Variants in IFT122 observed in about 807,000 individuals in gnomAD.
IFT122 encodes the protein intraflagellar transport 122, also known as intraflagellar transport protein 122 homolog.
IFT122 carries 118 observed loss-of-function variants against 161.6 expected under a neutral mutation model. The ratio of observed to expected loss-of-function variants is 0.73; its 90% confidence interval spans 0.63 to 0.85. The LOEUF (loss-of-function observed/expected upper bound fraction) is 0.85, where lower values mean the gene tolerates loss of function less well. IFT122 is among the 40% of genes least tolerant of loss of function. IFT122 has a pLI of 0.00. For missense variants in IFT122, 1,381 were observed against 1,579.6 expected (o/e 0.87, Z 2.13); for synonymous variants, 550 against 602.4 (o/e 0.91, Z 1.27).
intron 28 of IFT122, 42 bp from the exon 29 acceptor site, chr3:129,519,526 G>A: frequency 2.5e-6 from 4 of 1,609,660 alleles, no homozygotes; most frequent in Non-Finnish European, 2.5e-6. Context: ...TCTCACTGTG[G>A]CTGAGTGAGG....
At chr3:129,462,549 G>T (rs567123795) in intron 5 of IFT122, among the ~76,000 whole-genome samples, 1 of 152,336 alleles carries the variant, frequency 6.6e-6, no homozygotes, top group East Asian at 1.9e-4. Flanking sequence ...TGCTGAAGGA[G>T]GCCCAGGAGG....
intron 27 of IFT122, among the ~76,000 whole-genome samples, chr3:129,518,177 C>T (rs2084248287): frequency 1.3e-5 from 2 of 152,238 alleles, no homozygotes; most frequent in African/African-American, 4.8e-5. Context: ...AGGAGCAGTG[C>T]CAGCCCCACA....
chr3:129,511,003 G>A (rs1378530183), intron 23 of IFT122, among the ~76,000 whole-genome samples: 2 of 152,180 alleles, frequency 1.3e-5, no homozygotes, highest in African/African-American at 4.8e-5. Flanking sequence ...CAAGTGAAGT[G>A]GAGGAGGATT....
intron 1 of IFT122, among the ~76,000 whole-genome samples, chr3:129,448,427 T>G (rs1390863557): frequency 6.6e-6 from 1 of 152,182 alleles, no homozygotes; most frequent in African/African-American, 2.4e-5. Flanking sequence ...TTTGCATAAC[T>G]TTCGAAAAAC....
chr3:129,506,335 C>CAG, intron 21 of IFT122, 74 bp from the exon 22 acceptor site: 1 of 1,574,818 alleles, frequency 6.3e-7, no homozygotes, highest in Non-Finnish European at 8.7e-7. Flanking sequence ...GCAAGCCCCA[C>CAG]AGAGCTCCAT....
At chr3:129,496,302 G>T (rs1272457468) in intron 18 of IFT122, among the ~76,000 whole-genome samples, 1 of 152,098 alleles carries the variant, frequency 6.6e-6, no homozygotes, top group Admixed American at 6.5e-5. Flanking sequence ...CTGTGGGAAG[G>T]AGTTGCACTA....
chr3:129,497,742 C>T (rs1225006447), intron 18 of IFT122, among the ~76,000 whole-genome samples: 20 of 152,202 alleles, frequency 1.3e-4, no homozygotes, highest in Admixed American at 1.1e-3. Context: ...ATCCCCCCTG[C>T]CCCCACCTGG....
At chr3:129,492,973 C>T (rs2080334833) in intron 17 of IFT122, among the ~76,000 whole-genome samples, 1 of 151,806 alleles carries the variant, frequency 6.6e-6, no homozygotes, top group African/African-American at 2.4e-5. Flanking sequence ...ATGTGCCACC[C>T]CGCCTGATTA....
intron 9 of IFT122, among the ~76,000 whole-genome samples, chr3:129,473,354 C>G (rs919139539): frequency 6.6e-6 from 1 of 152,230 alleles, no homozygotes; most frequent in Non-Finnish European, 1.5e-5. Flanking sequence ...ATGGTTCAGT[C>G]TCCATTGATT....
intron 27 of IFT122, among the ~76,000 whole-genome samples, 192 bp from the exon 28 acceptor site, chr3:129,518,915 A>G (rs533719732): frequency 9.2e-5 from 14 of 152,288 alleles, no homozygotes; most frequent in Admixed American, 8.5e-4. Context: ...TGCGAGGGGA[A>G]TGGGTGAGGG....
Position 129,519,648 on chromosome 3 carries a change from G to A in IFT122, c.3552G>A (p.Lys1184=). 1 of 1,613,720 alleles carries A rather than the reference G, an allele frequency of 6.2e-7. No individual in the cohort carries two copies. The highest frequency in any genetic ancestry group is 8.5e-7 in the Non-Finnish European group (1 of 1,180,020). The change falls in exon 29 of 30, where the codon AAG becomes AAA. Residue 1184 remains lysine (K), a synonymous_variant. Coordinates refer to ENST00000348417, the MANE Select transcript of IFT122 (RefSeq NM_052989.3). ...RSMSRRDVLI[K]RWPPPLRWQY... Reference sequence around the variant, plus strand: ...TGAGCCGCCGGGATGTCCTCATCAAGCGATGGCCCCCACCCCTGAGGTGGC... The same window carrying A: ...TGAGCCGCCGGGATGTCCTCATCAAACGATGGCCCCCACCCCTGAGGTGGC...
intron 24 of IFT122, 108 bp downstream of exon 24, chr3:129,512,520 C>T (rs1021879856): frequency 3.5e-6 from 3 of 850,086 alleles, no homozygotes; most frequent in African/African-American, 3.3e-5. Flanking sequence ...TCTCAGCAAC[C>T]CTCAGGGAAG....
At position 129,492,172 on chromosome 3, in the gene IFT122, T is replaced by C. The variant is rs2080201861; in HGVS notation, c.2024T>C (p.Leu675Ser). 6.2e-7 allele frequency: 1 copy of C among 1,613,210 alleles called. No individual in the cohort carries two copies. The highest frequency in any genetic ancestry group is 8.5e-7 in the Non-Finnish European group (1 of 1,179,318). The change falls in exon 17 of 30, where the codon TTA becomes TCA. Residue 675 changes from leucine (L) to serine (S), a missense_variant. Leu to Ser is a moderately radical substitution (Grantham distance 145, BLOSUM62 -2). Coordinates refer to ENST00000348417, the MANE Select transcript of IFT122 (RefSeq NM_052989.3). ...AFIRVQDLRY[L>S]ELISSIEERK... is the part of the protein sequence containing the mutation. ...ATCAGAGTACAAGACCTCCGATATTTAGAGCTCATCAGCAGCATTGAGGTA... is the reference window on the plus strand; with the variant it reads ...ATCAGAGTACAAGACCTCCGATATTCAGAGCTCATCAGCAGCATTGAGGTA...
intron 13 of IFT122, 197 bp from the exon 14 acceptor site, chr3:129,481,333 C>T (rs1197878852): frequency 1.5e-5 from 9 of 591,058 alleles, no homozygotes; most frequent in African/African-American, 7.4e-5. Context: ...TGATGAACCT[C>T]GCTTCTGGCC....
intron 8 of IFT122, 57 bp from the exon 9 acceptor site, chr3:129,469,285 C>G: frequency 7.1e-7 from 1 of 1,416,398 alleles, no homozygotes; most frequent in South Asian, 1.1e-5. Flanking sequence ...GCCCTTAGAG[C>G]TATACTCATC....
chr3:129,457,914 A>AT, intron 3 of IFT122: 1 of 162,934 alleles, frequency 6.1e-6, no homozygotes, highest in Non-Finnish European at 1.4e-5. Context: ...TTGTTTTTGT[A>AT]TTTTTAGTAG....
intron 11 of IFT122, 129 bp from the exon 12 acceptor site, chr3:129,477,885 TAA>T (rs2078147993): frequency 2.6e-6 from 2 of 754,904 alleles, no homozygotes; most frequent in East Asian, 5.2e-5. Context: ...TTAGATACTC[TAA>T]AGATTTTTCA....
At chr3:129,519,757 CAT>C (rs1488092578) in intron 29 of IFT122, 25 bp downstream of exon 29, 3 of 1,612,490 alleles carry the variant, frequency 1.9e-6, no homozygotes, top group Non-Finnish European at 1.7e-6. Flanking sequence ...TGGTAGCTCA[CAT>C]GTGCTTCTCT....
chr3:129,500,149 G>C (rs2081357237), intron 19 of IFT122, 81 bp downstream of exon 19: 1 of 1,497,308 alleles, frequency 6.7e-7, no homozygotes, highest in South Asian at 1.1e-5. Flanking sequence ...GGAACCAATA[G>C]TGCTTTTCTA....
Sources: allele counts gnomAD v4.1 joint callset (sites outside exome capture counted in the v4.1 genomes callset), GRCh38; gene constraint gnomAD v4.1.1; transcripts MANE v1.5; gene names NCBI Gene and HGNC (gene_info 2026-07-23, HGNC 2026-07-21).